Variants in TMEM178B observed in about 807,000 individuals in gnomAD.
TMEM178B encodes the protein transmembrane protein 178B.
Under a neutral mutation model 31.0 loss-of-function variants are expected in TMEM178B, and 5 were observed. That is an observed-to-expected ratio of 0.16 (90% CI 0.08 to 0.34). TMEM178B has a LOEUF of 0.34. Ranked by LOEUF, TMEM178B falls within the 10% of genes least tolerant of loss-of-function variation. TMEM178B has a pLI of 1.00. For synonymous variants in TMEM178B, 164 were observed against 164.0 expected (o/e 1.00, Z 0.00); for missense variants, 275 against 400.3 (o/e 0.69, Z 2.67).
intron 1 of TMEM178B, among the ~76,000 whole-genome samples, chr7:141,141,542 T>C (rs577829960): frequency 6.6e-6 from 1 of 152,360 alleles, no homozygotes; most frequent in South Asian, 2.1e-4. Context: ...ATTCATTTGC[T>C]TTCCTATTTA....
intron 3 of TMEM178B, among the ~76,000 whole-genome samples, chr7:141,463,040 A>G (rs1248489150): frequency 1.3e-5 from 2 of 152,186 alleles, no homozygotes; most frequent in African/African-American, 2.4e-5. Flanking sequence ...AGGGGTCTGC[A>G]GGGTGCTGCT....
At chr7:141,217,331 A>C (rs931506670) in intron 2 of TMEM178B, among the ~76,000 whole-genome samples, 4 of 152,130 alleles carry the variant, frequency 2.6e-5, no homozygotes, top group Non-Finnish European at 5.9e-5. Flanking sequence ...GAGGTGGCTG[A>C]TAGGGAGTGG....
intron 1 of TMEM178B, among the ~76,000 whole-genome samples, chr7:141,150,497 T>G (rs929206702): frequency 1.3e-5 from 2 of 152,214 alleles, no homozygotes; most frequent in Non-Finnish European, 2.9e-5. Context: ...GTTGTACTGG[T>G]CTTGGGACTT....
intron 1 of TMEM178B, among the ~76,000 whole-genome samples, chr7:141,176,469 T>C (rs1474835170): frequency 3.9e-5 from 6 of 152,256 alleles, no homozygotes; most frequent in Non-Finnish European, 7.3e-5. Flanking sequence ...GATGCTGGCC[T>C]CATAAAATTA....
chr7:141,460,133 G>T (rs1341484718), intron 3 of TMEM178B, among the ~76,000 whole-genome samples: 2 of 152,146 alleles, frequency 1.3e-5, no homozygotes, highest in African/African-American at 4.8e-5. Context: ...TACTTTGTCA[G>T]GGATGCTATG....
intron 2 of TMEM178B, among the ~76,000 whole-genome samples, chr7:141,278,845 A>G (rs1798309748): frequency 6.6e-6 from 1 of 152,172 alleles, no homozygotes; most frequent in Non-Finnish European, 1.5e-5. Flanking sequence ...ATCGTGTAGA[A>G]GAAAAGTTCC....
intron 1 of TMEM178B, among the ~76,000 whole-genome samples, chr7:141,169,833 C>T (rs893045443): frequency 2.0e-5 from 3 of 152,176 alleles, no homozygotes; most frequent in African/African-American, 7.2e-5. Context: ...ATTTGTGCAA[C>T]TCTGGATTAA....
At chr7:141,423,403 T>C (rs1372008972) in intron 2 of TMEM178B, among the ~76,000 whole-genome samples, 1 of 152,210 alleles carries the variant, frequency 6.6e-6, no homozygotes, top group Non-Finnish European at 1.5e-5. Context: ...ACAATTACTA[T>C]TGAGATATTT....
intron 2 of TMEM178B, among the ~76,000 whole-genome samples, chr7:141,289,231 G>C (rs1336389845): frequency 4.6e-5 from 7 of 152,196 alleles, no homozygotes; most frequent in Non-Finnish European, 7.3e-5. Flanking sequence ...CCAAATCACT[G>C]TCTGGGCTCC....
chr7:141,227,766 A>T (rs1797370392), intron 2 of TMEM178B, among the ~76,000 whole-genome samples: 1 of 152,210 alleles, frequency 6.6e-6, no homozygotes, highest in Admixed American at 6.5e-5. Context: ...CTAAGGTGGT[A>T]GTTGCCCTTG....
At chr7:141,435,401 C>T (rs1483117435) in intron 2 of TMEM178B, among the ~76,000 whole-genome samples, 1 of 152,244 alleles carries the variant, frequency 6.6e-6, no homozygotes, top group Non-Finnish European at 1.5e-5. Flanking sequence ...GGAGTAGAAG[C>T]ATTGGTAGTA....
chr7:141,482,950 G>A (rs1011143021), downstream of TMEM178B, among the ~76,000 whole-genome samples: 6 of 151,828 alleles, frequency 4.0e-5, no homozygotes, highest in Non-Finnish European at 7.4e-5. Flanking sequence ...AGTCACCTAG[G>A]CATGAAGTAC....
chr7:141,222,825 T>C (rs1162319414), intron 2 of TMEM178B, among the ~76,000 whole-genome samples: 4 of 152,214 alleles, frequency 2.6e-5, no homozygotes, highest in African/African-American at 9.7e-5. Flanking sequence ...TATTATTTAC[T>C]GGCAAGTGTA....
rs1290109997 is a variant in TMEM178B at position 141,461,816 on chromosome 7, C to T, written c.635-8720C>T. ...AGTGAGCTGAGCAGGGAGTTGGCTC[C>T]GTAACTCTGCATATCAACTCAGAAA... is the stretch of plus-strand genomic sequence containing the variant. On this transcript the variant is annotated intron_variant, in intron 3 of 3. Coordinates refer to ENST00000565468, the MANE Select transcript of TMEM178B (RefSeq NM_001195278.2). This position sits in a 1 kb window ranked among gnomAD's most constrained non-coding sequence, Gnocchi z 4.0. 3.3e-5 allele frequency among the ~76,000 whole-genome samples: 5 copies of T among 152,118 alleles called. No individual in the cohort carries two copies. The highest frequency in any genetic ancestry group is 2.0e-4 in the Admixed American group (3 of 15,266).
At chr7:141,208,143 T>A (rs1394738816) in intron 1 of TMEM178B, among the ~76,000 whole-genome samples, 1 of 152,042 alleles carries the variant, frequency 6.6e-6, no homozygotes, top group East Asian at 1.9e-4. Context: ...TAGTAAGCGA[T>A]GATTACGCCA....
chr7:141,078,330 A>T (rs1485701663), intron 1 of TMEM178B, among the ~76,000 whole-genome samples: 1 of 152,210 alleles, frequency 6.6e-6, no homozygotes, highest in Non-Finnish European at 1.5e-5. Flanking sequence ...TTCAACTGAT[A>T]CTCTAAGAAC....
chr7:141,259,185 C>T (rs1358037054), intron 2 of TMEM178B, among the ~76,000 whole-genome samples: 1 of 152,100 alleles, frequency 6.6e-6, no homozygotes, highest in Non-Finnish European at 1.5e-5. Context: ...TTTCTATTGT[C>T]CTATCTTCAA....
intron 2 of TMEM178B, among the ~76,000 whole-genome samples, chr7:141,420,395 T>G (rs1304255931): frequency 6.6e-6 from 1 of 152,144 alleles, no homozygotes; most frequent in African/African-American, 2.4e-5. Flanking sequence ...TTGATGAAAC[T>G]TTTTTTCAAG....
intron 2 of TMEM178B, among the ~76,000 whole-genome samples, chr7:141,220,519 G>T (rs973574182): frequency 1.3e-5 from 2 of 151,830 alleles, no homozygotes; most frequent in African/African-American, 4.8e-5. Flanking sequence ...AGATGACCTA[G>T]GGGGAGGGAA....
Sources: gnomAD v4.1 joint callset for allele counts (sites outside exome capture counted in the v4.1 genomes callset) on GRCh38, gnomAD v4.1.1 for gene constraint, Gnocchi (gnomAD v3.1) non-coding constraint, MANE v1.5 for transcripts, NCBI Gene and HGNC (gene_info 2026-07-23, HGNC 2026-07-21) for gene names.